MYO1D: variants seen among roughly 807,000 people sequenced by gnomAD.
The protein encoded by MYO1D is unconventional myosin-Id.
Under a neutral mutation model 122.0 loss-of-function variants are expected in MYO1D, and 83 were observed. That is an observed-to-expected ratio of 0.68 (90% CI 0.57 to 0.82). MYO1D has a LOEUF of 0.82. Ranked by LOEUF, MYO1D falls within the 40% of genes least tolerant of loss-of-function variation. MYO1D has a pLI of 0.00. For synonymous variants in MYO1D, 464 were observed against 446.9 expected, an observed-to-expected ratio of 1.04 and a Z score of -0.48; for missense variants, 1,157 against 1,269.5, an observed-to-expected ratio of 0.91 and a Z score of 1.35.
intron 11 of MYO1D, among the ~76,000 whole-genome samples, chr17:32,753,728 G>A (rs1426647970): frequency 5.3e-5 from 8 of 151,876 alleles, no homozygotes; most frequent in East Asian, 1.9e-4. Context: ...GTGAAACTCC[G>A]TCTCTACAAA....
intron 21 of MYO1D, among the ~76,000 whole-genome samples, chr17:32,555,397 T>C (rs1398248153): frequency 1.3e-5 from 2 of 152,158 alleles, no homozygotes; most frequent in Non-Finnish European, 2.9e-5. Flanking sequence ...CACAGATCTA[T>C]ATGCAAAGAA....
At chr17:32,598,947 C>A (rs1349112705) in intron 21 of MYO1D, among the ~76,000 whole-genome samples, 1 of 152,176 alleles carries the variant, frequency 6.6e-6, no homozygotes, top group Non-Finnish European at 1.5e-5. Flanking sequence ...GAGTTGTAAT[C>A]TTTTTGCTGT....
At chr17:32,873,091 A>C (rs943536835) in intron 1 of MYO1D, among the ~76,000 whole-genome samples, 3 of 152,244 alleles carry the variant, frequency 2.0e-5, no homozygotes, top group Non-Finnish European at 4.4e-5. Context: ...GGGAAAAAGA[A>C]GGCCAGATTA....
At chr17:32,758,623 T>C (rs1213125314) in intron 10 of MYO1D, among the ~76,000 whole-genome samples, 1 of 152,164 alleles carries the variant, frequency 6.6e-6, no homozygotes, top group Non-Finnish European at 1.5e-5. Flanking sequence ...GGCAATCAAC[T>C]GGTACGTGTT....
chr17:32,501,857 C>T (rs1054994429), intron 21 of MYO1D, among the ~76,000 whole-genome samples: 18 of 152,186 alleles, frequency 1.2e-4, no homozygotes, highest in African/African-American at 2.4e-4. Context: ...AAGAGGAGGT[C>T]CTGGGAACTC....
intron 21 of MYO1D, among the ~76,000 whole-genome samples, chr17:32,502,482 A>G (rs570515697): frequency 6.6e-6 from 1 of 152,302 alleles, no homozygotes; most frequent in African/African-American, 2.4e-5. Flanking sequence ...GGAACTAGGT[A>G]GAGGTGATGG....
chr17:32,767,433 G>A (rs1041174717), intron 7 of MYO1D, among the ~76,000 whole-genome samples: 1 of 152,166 alleles, frequency 6.6e-6, no homozygotes, highest in Non-Finnish European at 1.5e-5. Context: ...TGAAGTAGTA[G>A]TCTCCAACCC....
At chr17:32,592,520 T>G (rs941173160) in intron 21 of MYO1D, among the ~76,000 whole-genome samples, 1 of 152,228 alleles carries the variant, frequency 6.6e-6, no homozygotes, top group African/African-American at 2.4e-5. Context: ...AACTCTTTAG[T>G]CAATTTGGTA....
chr17:32,687,622 C>G (rs899502093), intron 16 of MYO1D, among the ~76,000 whole-genome samples: 1 of 151,988 alleles, frequency 6.6e-6, no homozygotes, highest in African/African-American at 2.4e-5. Context: ...GGATTACAGG[C>G]GTGAGCCACT....
In MYO1D at chr17:32,854,313, T is replaced by G. The variant is rs540433011; in HGVS notation, c.95+22465A>C. On this transcript the variant is annotated intron_variant, in intron 1 of 21. Transcript: ENST00000318217. ...AATGGATCCTGGCAGAGTAGACTAGTAAAAATTTATGAAACTCTGAAAAAC... is the reference window on the plus strand; with the variant it reads ...AATGGATCCTGGCAGAGTAGACTAGGAAAAATTTATGAAACTCTGAAAAAC... Among the ~76,000 whole-genome samples, 11 of 152,266 alleles carry G rather than the reference T, an allele frequency of 7.2e-5. No individual in the cohort carries two copies. The South Asian group carries it at 8.3e-4, about 11-fold the overall frequency.
chr17:32,822,769 T>G (rs541620070), intron 1 of MYO1D, among the ~76,000 whole-genome samples: 21 of 151,166 alleles, frequency 1.4e-4, no homozygotes, highest in African/African-American at 4.6e-4. Flanking sequence ...GCCCGGGGCG[T>G]CCCCGCACCC....
At chr17:32,769,584 A>G (rs1188480245) in intron 6 of MYO1D, among the ~76,000 whole-genome samples, 1 of 152,012 alleles carries the variant, frequency 6.6e-6, no homozygotes, top group Non-Finnish European at 1.5e-5. Flanking sequence ...TTATTATATT[A>G]ATTTATATTT....
chr17:32,523,437 T>C (rs915018460), intron 21 of MYO1D: 1 of 151,926 alleles, frequency 6.6e-6, no homozygotes, highest in African/African-American at 2.4e-5. Context: ...ATTCATCGAG[T>C]CCATGAGAGA....
intron 2 of MYO1D, among the ~76,000 whole-genome samples, chr17:32,779,709 T>G (rs990956761): frequency 6.6e-6 from 1 of 152,180 alleles, no homozygotes; most frequent in Non-Finnish European, 1.5e-5. Flanking sequence ...TTTTTGTGAT[T>G]TGTTTTAAAT....
intron 11 of MYO1D, among the ~76,000 whole-genome samples, chr17:32,752,402 T>C (rs1414447180): frequency 6.6e-6 from 1 of 151,830 alleles, no homozygotes; most frequent in Non-Finnish European, 1.5e-5. Flanking sequence ...CAAAAACAAA[T>C]GTGACAAAAA....
chr17:32,765,238 C>A (rs2090043667), intron 7 of MYO1D, among the ~76,000 whole-genome samples, 157 bp from the exon 8 acceptor site: 1 of 152,060 alleles, frequency 6.6e-6, no homozygotes, highest in Non-Finnish European at 1.5e-5. Flanking sequence ...CTACTTTTTC[C>A]CTTTCTCCGG....
At chr17:32,528,930 C>T (rs1910428574) in intron 21 of MYO1D, 1 of 152,224 alleles carries the variant, frequency 6.6e-6, no homozygotes, top group South Asian at 2.1e-4. Context: ...GAGAAAAAAA[C>T]ATGTCTGTGG....
chr17:32,500,020 G>A (rs1909262715), intron 21 of MYO1D, among the ~76,000 whole-genome samples: 1 of 152,174 alleles, frequency 6.6e-6, no homozygotes, highest in Non-Finnish European at 1.5e-5. Context: ...GTTTAATGGA[G>A]CATTCACACC....
intron 21 of MYO1D, among the ~76,000 whole-genome samples, chr17:32,531,717 T>C (rs1910512475): frequency 6.6e-6 from 1 of 151,526 alleles, no homozygotes; most frequent in Non-Finnish European, 1.5e-5. Flanking sequence ...TGCATAATGA[T>C]GGATAGCGGA....
Sources: gnomAD v4.1 joint callset for allele counts (sites outside exome capture counted in the v4.1 genomes callset) on GRCh38, gnomAD v4.1.1 for gene constraint, MANE v1.5 for transcripts, NCBI Gene and HGNC (gene_info 2026-07-23, HGNC 2026-07-21) for gene names.